MARCHF3: variants seen among roughly 807,000 people sequenced by gnomAD.
The protein encoded by MARCHF3 is membrane associated ring-CH-type finger 3.
Under a neutral mutation model 24.2 loss-of-function variants are expected in MARCHF3, and 13 were observed. The observed-to-expected ratio is 0.54, with a 90% CI of 0.35 to 0.85. The LOEUF (loss-of-function observed/expected upper bound fraction) is 0.85. Among genes scored for constraint, MARCHF3 ranks in the 40% least tolerant of loss-of-function variants. The pLI is 0.01. For missense variants in MARCHF3, 276 were observed against 325.0 expected, an observed-to-expected ratio of 0.85 and a Z score of 1.16; for synonymous variants, 144 against 137.3, an observed-to-expected ratio of 1.05 and a Z score of -0.34.
chr5:126,943,596 A>T (rs868709890), intron 1 of MARCHF3, among the ~76,000 whole-genome samples: 1 of 151,158 alleles, frequency 6.6e-6, no homozygotes, highest in Non-Finnish European at 1.5e-5. Context: ...AAAAAAAAAA[A>T]CCCCTCAAAA....
In MARCHF3 at chr5:126,870,558, C is replaced by T; in HGVS notation, c.*75G>A. On this transcript the variant is annotated 3_prime_UTR_variant, in exon 5 of 5. Transcript: ENST00000308660. ...GGCTTAAGGAAGGGCTTGGGGGTCG[C>T]TCAGTGCATGACCCCAGTGCAGACA... The T allele has an allele frequency of 2.1e-6, 3 of 1,419,488 alleles. No homozygotes were observed. The highest frequency in any genetic ancestry group is 1.4e-5 in the African/African-American group (1 of 71,214). The allele number at this position is 1,419,488 out of a possible 1,614,324, so 87.9% of individuals were successfully genotyped here.
chr5:126,913,270 C>G (rs776433362), intron 3 of MARCHF3, among the ~76,000 whole-genome samples: 1 of 152,142 alleles, frequency 6.6e-6, no homozygotes, highest in East Asian at 1.9e-4. Context: ...TTAAAAAGAT[C>G]GCTGGATAGA....
chr5:127,004,402 G>T (rs1237409905), intron 1 of MARCHF3, among the ~76,000 whole-genome samples: 2 of 152,036 alleles, frequency 1.3e-5, no homozygotes, highest in East Asian at 1.9e-4. Flanking sequence ...TCACCTTCAG[G>T]AATATTACCA....
intron 1 of MARCHF3, among the ~76,000 whole-genome samples, chr5:127,003,579 G>A (rs1415800364): frequency 6.6e-6 from 1 of 150,814 alleles, no homozygotes; most frequent in Non-Finnish European, 1.5e-5. Context: ...GTGAAACCCC[G>A]TCTCTACTAA....
Position 126,988,814 on chromosome 5 carries a change from T to C in MARCHF3, c.-57+41536A>G, listed in dbSNP as rs375615822. On this transcript the variant is annotated intron_variant, in intron 1 of 4. Coordinates refer to ENST00000308660, the MANE Select transcript of MARCHF3 (RefSeq NM_178450.5). ...GAGCATCTATTACCACAGAGACATG[T>C]TGTCCTTGGAAGGGAACCATGGCTT... Among the ~76,000 whole-genome samples the C allele has an allele frequency of 1.4e-3, 209 of 152,320 alleles. 10 individuals carry two copies. The South Asian group carries it at 0.042, about 31-fold the overall frequency.
At chr5:126,938,016 T>C (rs945794478) in intron 1 of MARCHF3, among the ~76,000 whole-genome samples, 2 of 152,222 alleles carry the variant, frequency 1.3e-5, no homozygotes, top group East Asian at 3.8e-4. Flanking sequence ...AGACCATGTG[T>C]AGTAGCTGCA....
intron 3 of MARCHF3, among the ~76,000 whole-genome samples, chr5:126,900,637 T>C (rs1580618006): frequency 6.6e-6 from 1 of 151,900 alleles, no homozygotes; most frequent in Non-Finnish European, 1.5e-5. Flanking sequence ...GTAGCCAGAA[T>C]GGACTGGGCC....
intron 2 of MARCHF3, among the ~76,000 whole-genome samples, chr5:126,916,123 A>G (rs1754721112): frequency 6.6e-6 from 1 of 152,190 alleles, no homozygotes; most frequent in Non-Finnish European, 1.5e-5. Flanking sequence ...AAATCAAATA[A>G]CTTGGCCCTC....
At chr5:126,952,933 A>T (rs1458654722) in intron 1 of MARCHF3, among the ~76,000 whole-genome samples, 4 of 152,190 alleles carry the variant, frequency 2.6e-5, no homozygotes, top group Non-Finnish European at 5.9e-5. Flanking sequence ...TTTCAATATT[A>T]TGATTCTATA....
intron 1 of MARCHF3, among the ~76,000 whole-genome samples, chr5:126,964,873 G>A (rs969503134): frequency 6.6e-6 from 1 of 152,152 alleles, no homozygotes; most frequent in African/African-American, 2.4e-5. Context: ...CTAGACCCTG[G>A]TGAGAGAAGA....
intron 3 of MARCHF3, among the ~76,000 whole-genome samples, chr5:126,901,608 T>C (rs1406369549): frequency 6.6e-6 from 1 of 152,158 alleles, no homozygotes; most frequent in Non-Finnish European, 1.5e-5. Flanking sequence ...TAAAACTATG[T>C]ATTCTTTCTT....
chr5:126,946,760 G>GT (rs1750025216), intron 1 of MARCHF3, among the ~76,000 whole-genome samples: 1 of 140,272 alleles, frequency 7.1e-6, no homozygotes, highest in Non-Finnish European at 1.5e-5. Flanking sequence ...GTGTAAGTAG[G>GT]GGTGTGTGTG....
chr5:126,895,855 G>A (rs112244043), intron 3 of MARCHF3, among the ~76,000 whole-genome samples: 4 of 152,108 alleles, frequency 2.6e-5, no homozygotes, highest in East Asian at 1.9e-4. Context: ...TGGAGCTTCC[G>A]GGCTGCTTTG....
At chr5:126,884,070 T>C (rs1753427894) in intron 3 of MARCHF3, among the ~76,000 whole-genome samples, 1 of 152,194 alleles carries the variant, frequency 6.6e-6, no homozygotes, top group African/African-American at 2.4e-5. Flanking sequence ...AGATGGGTCT[T>C]ATTCTGTAAG....
At chr5:126,917,840 T>C in intron 2 of MARCHF3, 144 bp downstream of exon 2, 2 of 778,286 alleles carry the variant, frequency 2.6e-6, no homozygotes, top group Non-Finnish European at 2.0e-6. Context: ...ACAGAACTCG[T>C]GTAGTCTTTT....
chr5:126,913,792 T>C (rs1305010869), intron 3 of MARCHF3, among the ~76,000 whole-genome samples: 1 of 152,170 alleles, frequency 6.6e-6, no homozygotes, highest in African/African-American at 2.4e-5. Flanking sequence ...AACACACTTA[T>C]TAAATAGTCT....
At chr5:126,886,161 GTGT>G (rs1292466639) in intron 3 of MARCHF3, among the ~76,000 whole-genome samples, 14 of 152,196 alleles carry the variant, frequency 9.2e-5, no homozygotes, top group Admixed American at 4.6e-4. Flanking sequence ...GGAACACCAG[GTGT>G]TGTTATTATT....
At chr5:126,885,508 A>G (rs888555522) in intron 3 of MARCHF3, among the ~76,000 whole-genome samples, 52 of 151,262 alleles carry the variant, frequency 3.4e-4, no homozygotes, top group African/African-American at 1.2e-3. Flanking sequence ...CGGAGGTTGC[A>G]GTGAGCTGAG....
intron 1 of MARCHF3, among the ~76,000 whole-genome samples, chr5:126,954,592 A>C (rs2126818043): frequency 6.6e-6 from 1 of 150,678 alleles, no homozygotes; most frequent in East Asian, 2.0e-4. Flanking sequence ...GCTGGTCTCA[A>C]ACTTCTGCAC....
Sources: gnomAD v4.1 joint callset for allele counts (sites outside exome capture counted in the v4.1 genomes callset) on GRCh38, gnomAD v4.1.1 for gene constraint, MANE v1.5 for transcripts, NCBI Gene and HGNC (gene_info 2026-07-23, HGNC 2026-07-21) for gene names.